The following GADL1 variants were observed in gnomAD, a reference collection of about 807,000 sequenced individuals.
GADL1 encodes GAD like acidic amino acid decarboxylase 1, also known as acidic amino acid decarboxylase GADL1.
A neutral mutation model predicts 69.5 loss-of-function variants in GADL1; 71 were observed. That is an observed-to-expected ratio of 1.02 (90% CI 0.84 to 1.25). GADL1 has a LOEUF of 1.25. Ranked by LOEUF, GADL1 falls within the 50% of genes most tolerant of loss-of-function variation. GADL1 has a pLI of 0.00. For synonymous variants in GADL1, 254 were observed against 214.4 expected (o/e 1.18, Z -1.62); for missense variants, 737 against 631.8 (o/e 1.17, Z -1.79).
At chr3:30,758,840 A>AC (rs1240950465) in intron 14 of GADL1, among the ~76,000 whole-genome samples, 1 of 152,240 alleles carries the variant, frequency 6.6e-6, no homozygotes, top group Non-Finnish European at 1.5e-5. Context: ...AAAAGCTGGT[A>AC]CAAGTGTCGC....
chr3:30,796,578 A>T (rs6804533), intron 12 of GADL1, among the ~76,000 whole-genome samples: 21,707 of 152,046 alleles, frequency 0.14, 4,628 homozygotes, highest in African/African-American at 0.47. Context: ...GGAGTACTTT[A>T]TCTTTTTGAT....
intron 14 of GADL1, among the ~76,000 whole-genome samples, chr3:30,763,488 C>G (rs1696189943): frequency 9.9e-6 from 1 of 101,242 alleles, no homozygotes; most frequent in African/African-American, 4.4e-5. Flanking sequence ...GGCGACAGAG[C>G]AAGACTCCGT....
At chr3:30,730,107 C>A (rs1236590820) in intron 14 of GADL1, among the ~76,000 whole-genome samples, 1 of 152,154 alleles carries the variant, frequency 6.6e-6, no homozygotes, top group Non-Finnish European at 1.5e-5. Context: ...CAACAGCCTG[C>A]ATTCACTTGA....
At chr3:30,788,649 A>G (rs1161507133) in intron 12 of GADL1, among the ~76,000 whole-genome samples, 1 of 152,206 alleles carries the variant, frequency 6.6e-6, no homozygotes, top group Non-Finnish European at 1.5e-5. Flanking sequence ...CTTACCCACA[A>G]CAGAACTTCT....
chr3:30,795,221 T>C (rs961845489), intron 12 of GADL1, among the ~76,000 whole-genome samples: 6 of 152,192 alleles, frequency 3.9e-5, no homozygotes, highest in Non-Finnish European at 8.8e-5. Context: ...CTGAAGCAAG[T>C]TGCTGGGCAT....
chr3:30,772,157 A>G (rs1696431979), intron 14 of GADL1, among the ~76,000 whole-genome samples: 1 of 87,414 alleles, frequency 1.1e-5, no homozygotes, highest in South Asian at 3.3e-4. Flanking sequence ...ACCAAACAAT[A>G]AAACAAACCC....
intron 11 of GADL1, among the ~76,000 whole-genome samples, chr3:30,807,579 C>T (rs951159310): frequency 2.0e-5 from 3 of 152,122 alleles, no homozygotes; most frequent in African/African-American, 4.8e-5. Context: ...ATAAGAATGA[C>T]CCAGGGTAGG....
intron 11 of GADL1, among the ~76,000 whole-genome samples, chr3:30,808,008 G>GAGT (rs1697285815): frequency 2.6e-5 from 4 of 152,100 alleles, no homozygotes; most frequent in Non-Finnish European, 4.4e-5. Flanking sequence ...CTCCAGCCTG[G>GAGT]GCAACAGAGA....
At chr3:30,758,163 T>C (rs1018824339) in intron 14 of GADL1, among the ~76,000 whole-genome samples, 1 of 152,200 alleles carries the variant, frequency 6.6e-6, no homozygotes, top group Admixed American at 6.5e-5. Flanking sequence ...TCAAACATCA[T>C]GCCTTGGCTT....
intron 1 of GADL1, among the ~76,000 whole-genome samples, chr3:30,874,165 T>G (rs893267487): frequency 3.9e-5 from 6 of 151,914 alleles, no homozygotes; most frequent in Admixed American, 2.6e-4. Context: ...AGGCTGAAAC[T>G]CATCCCTTTA....
rs114848853 is a variant in GADL1 at position 30,877,582 on chromosome 3, C to T, written c.38-15817G>A. 8.7e-3 allele frequency among the ~76,000 whole-genome samples: 1,323 copies of T among 151,908 alleles called. 20 individuals carry two copies. Among genetic ancestry groups the T allele is most frequent in the African/African-American group, 0.03 (1,255 of 41,466 alleles). On this transcript the variant is annotated intron_variant, in intron 1 of 14. Transcript: ENST00000282538. ...AAATACATTGCTTGGGTATATTTTT[C>T]GGCCCACATAGCATCTGAAAAATCA... is the stretch of plus-strand genomic sequence containing the variant.
chr3:30,863,019 T>C (rs5010651), intron 1 of GADL1, among the ~76,000 whole-genome samples: 51,481 of 151,194 alleles, frequency 0.34, 9,237 homozygotes, highest in East Asian at 0.67. Context: ...CATAAGCCCA[T>C]GTCTGTTTCA....
chr3:30,856,659 C>A (rs1033069331), intron 3 of GADL1, among the ~76,000 whole-genome samples: 25 of 151,868 alleles, frequency 1.6e-4, no homozygotes, highest in African/African-American at 6.0e-4. Context: ...ATTTAAAATC[C>A]CTTAACAAAT....
chr3:30,768,821 ACT>A (rs777269778), intron 14 of GADL1, among the ~76,000 whole-genome samples: 1 of 152,040 alleles, frequency 6.6e-6, no homozygotes, highest in African/African-American at 2.4e-5. Context: ...TGATGCTGTA[ACT>A]CTATAACATT....
rs186277705 is a variant in GADL1 at position 30,771,558 on chromosome 3, T to C, written c.1392+6621A>G. 1.8e-3 allele frequency among the ~76,000 whole-genome samples: 277 copies of C among 152,200 alleles called. 1 individual carries two copies. Among genetic ancestry groups the C allele is most frequent in the African/African-American group, 6.2e-3 (256 of 41,584 alleles). ...ACTTTGATATTAGACTCTTTAAACA[T>C]AAATTTTAAAGTACAGCTTGAAAGC... On this transcript the variant is annotated intron_variant, in intron 14 of 14. Transcript: ENST00000282538.
In GADL1 at chr3:30,844,557, G is replaced by A. The variant is rs777868118; in HGVS notation, c.652-91C>T. The A allele has an allele frequency of 3.5e-6, 3 of 854,318 alleles. No homozygotes were observed. The African/African-American group carries it at 5.0e-5, about 14-fold the overall frequency. 52.9% of individuals were successfully genotyped at this position (854,318 alleles called of 1,614,324 possible). A position where few individuals can be genotyped will look rare whatever the true frequency, so the allele number is the denominator to read the frequency against. ...ATTATCAAAGGTAGATGAAAGTATG[G>A]CTGAGCACAATCTTTGGGACATTAT... is the stretch of plus-strand genomic sequence containing the variant. On this transcript the variant is annotated intron_variant, in intron 6 of 14. Transcript: ENST00000282538.
intron 14 of GADL1, among the ~76,000 whole-genome samples, chr3:30,755,823 A>ACTT (rs1467891069): frequency 1.0e-4 from 10 of 100,148 alleles, no homozygotes; most frequent in Non-Finnish European, 1.8e-4. Context: ...TGCCAAAGGT[A>ACTT]CTTTTTTTCC....
At chr3:30,800,854 AAGAG>A (rs10553550) in intron 12 of GADL1, 31 bp downstream of exon 12, 527,631 of 1,176,762 alleles carry the variant, frequency 0.45, 78,619 homozygotes, top group Middle Eastern at 0.51. Flanking sequence ...CACACACAGA[AAGAG>A]AGAGAGAGAG....
intron 4 of GADL1, among the ~76,000 whole-genome samples, chr3:30,852,137 A>T (rs1698157035): frequency 6.6e-6 from 1 of 152,178 alleles, no homozygotes; most frequent in Non-Finnish European, 1.5e-5. Flanking sequence ...ATTGAGGCAT[A>T]AAAGCTGGTC....
Sources: allele counts gnomAD v4.1 joint callset (sites outside exome capture counted in the v4.1 genomes callset), GRCh38; gene constraint gnomAD v4.1.1; transcripts MANE v1.5; gene names NCBI Gene and HGNC (gene_info 2026-07-23, HGNC 2026-07-21).